The following FHDC1 variants were observed in gnomAD, a reference collection of about 807,000 sequenced individuals.
The protein encoded by FHDC1 is FH2 domain-containing protein 1.
In FHDC1, 25 loss-of-function variants were observed where a neutral mutation model predicts 52.6. That is an observed-to-expected ratio of 0.48 (90% confidence interval 0.35 to 0.66). The LOEUF is 0.66. FHDC1 is among the 30% of genes least tolerant of loss of function. FHDC1 has a pLI of 0.01. For missense variants in FHDC1, 1,459 were observed against 1,452.8 expected, an observed-to-expected ratio of 1.00 and a Z score of -0.07; for synonymous variants, 616 against 581.5, an observed-to-expected ratio of 1.06 and a Z score of -0.85.
the FHDC1 span, chr4:152,927,692 G>GAA: frequency 1.4e-5 from 21 of 1,554,368 alleles, no homozygotes; most frequent in Non-Finnish European, 1.9e-5. Flanking sequence ...AAGAGGCTTA[G>GAA]ATGAAGATGA....
chr4:152,966,956 C>T (rs1446185961), intron 9 of FHDC1, among the ~76,000 whole-genome samples: 1 of 151,972 alleles, frequency 6.6e-6, no homozygotes, highest in African/African-American at 2.4e-5. Context: ...CCTGTCTCTA[C>T]AAAAAATTTA....
chr4:152,914,064 A>G, the FHDC1 span, among the ~76,000 whole-genome samples: 1 of 152,234 alleles, frequency 6.6e-6, no homozygotes, highest in Non-Finnish European at 1.5e-5. Flanking sequence ...TACATTAGCT[A>G]AGACTATCCA....
At chr4:152,960,876 GT>G in intron 6 of FHDC1, 32 bp downstream of exon 6, 2 of 1,499,586 alleles carry the variant, frequency 1.3e-6, no homozygotes, top group Non-Finnish European at 1.8e-6. Context: ...CGCAGAATTT[GT>G]TTTTATTAAT....
intron 10 of FHDC1, among the ~76,000 whole-genome samples, chr4:152,969,362 T>C (rs1740565000): frequency 6.6e-6 from 1 of 152,212 alleles, no homozygotes; most frequent in African/African-American, 2.4e-5. Context: ...TGCTCTGTAT[T>C]TTCCTTCAAG....
chr4:152,958,836 A>G (rs1249655042), intron 4 of FHDC1, among the ~76,000 whole-genome samples: 2 of 152,244 alleles, frequency 1.3e-5, no homozygotes, highest in African/African-American at 4.8e-5. Flanking sequence ...AATAAGGCTA[A>G]AAATGGTCAA....
At chr4:152,974,266 G>C (rs1159029251) in intron 11 of FHDC1, among the ~76,000 whole-genome samples, 2 of 152,140 alleles carry the variant, frequency 1.3e-5, no homozygotes, top group Non-Finnish European at 2.9e-5. Flanking sequence ...GAAGTCCTCT[G>C]TGTCTTATAC....
chr4:152,975,543 G>A lies in FHDC1; in HGVS notation c.2252G>A (p.Ser751Asn), dbSNP rs768792794. 6.2e-7 allele frequency: 1 copy of A among 1,613,550 alleles called. No homozygotes were observed. The highest frequency in any genetic ancestry group is 1.3e-5 in the African/African-American group (1 of 74,944). ...DGKAAPDEPG[S>N]AALGSVGSSD... ...AAGGCTGCCCCCGATGAGCCTGGAAGTGCAGCTTTGGGATCTGTGGGTAGC... is the reference window on the plus strand; with the variant it reads ...AAGGCTGCCCCCGATGAGCCTGGAAATGCAGCTTTGGGATCTGTGGGTAGC... Residue 751 changes from serine to asparagine, a missense_variant, in exon 12 of 12, where the codon AGT (serine) becomes AAT (asparagine). Physicochemically the swap from Ser to Asn is conservative, Grantham distance 46. Coordinates refer to ENST00000511601, the MANE Select transcript of FHDC1 (RefSeq NM_001371116.1).
intron 10 of FHDC1, 54 bp downstream of exon 10, chr4:152,968,151 G>A (rs200954994): frequency 2.4e-5 from 32 of 1,344,440 alleles, no homozygotes; most frequent in East Asian, 1.2e-4. Flanking sequence ...GCAGCACCCC[G>A]GGGCTGGTTA....
Position 152,979,315 on chromosome 4 carries a change from G to T in FHDC1, c.*2592G>T, listed in dbSNP as rs570101610. 6 of 152,278 alleles carry T rather than the reference G, an allele frequency of 3.9e-5. No individual in the cohort carries two copies. The highest frequency in any genetic ancestry group is 3.3e-4 in the Admixed American group (5 of 15,276). The allele number at this position is 152,278 out of a possible 1,614,324, so 9.4% of individuals were successfully genotyped here. A position where few individuals can be genotyped will look rare whatever the true frequency, so the allele number is the denominator to read the frequency against. ...CAGCAAGGACCCATCTCTGCCCTGG[G>T]TCAGCTCCTCAGAACCAACCCCCAG... On this transcript the variant is annotated 3_prime_UTR_variant, in exon 12 of 12. Transcript: ENST00000511601.
chr4:152,936,664 A>G (rs1371501193), intron 1 of FHDC1, among the ~76,000 whole-genome samples: 1 of 152,230 alleles, frequency 6.6e-6, no homozygotes, highest in African/African-American at 2.4e-5. Context: ...CACGGAGAAC[A>G]GCGATCGGTC....
At chr4:152,967,080 A>G (rs1266440136) in intron 9 of FHDC1, among the ~76,000 whole-genome samples, 1 of 152,104 alleles carries the variant, frequency 6.6e-6, no homozygotes, top group Non-Finnish European at 1.5e-5. Flanking sequence ...TGATCTTGCC[A>G]CTGCTCTTCA....
intron 8 of FHDC1, 141 bp downstream of exon 8, chr4:152,963,271 G>A (rs1740340041): frequency 7.3e-6 from 5 of 686,684 alleles, no homozygotes; most frequent in Middle Eastern, 3.4e-4. Flanking sequence ...TTGTAGAAGC[G>A]CCATTAGCAG....
chr4:152,942,836 C>A (rs1194091111), intron 1 of FHDC1, 92 bp from the exon 2 acceptor site: 5 of 524,132 alleles, frequency 9.5e-6, no homozygotes, highest in Non-Finnish European at 1.7e-5. Context: ...ATATCCAACT[C>A]ATATGGGAGG....
At chr4:152,941,414 C>G (rs1478873195) in intron 1 of FHDC1, among the ~76,000 whole-genome samples, 1 of 152,194 alleles carries the variant, frequency 6.6e-6, no homozygotes, top group Non-Finnish European at 1.5e-5. Context: ...ATGATAACAG[C>G]TTGTTATTGT....
chr4:152,953,695 C>T, intron 3 of FHDC1, 135 bp downstream of exon 3: 1 of 740,382 alleles, frequency 1.4e-6, no homozygotes, highest in South Asian at 1.7e-5. Flanking sequence ...GATGAGCCTG[C>T]AAGTGACTGT....
chr4:152,955,607 C>G (rs1462070158), intron 4 of FHDC1, among the ~76,000 whole-genome samples: 1 of 152,188 alleles, frequency 6.6e-6, no homozygotes, highest in African/African-American at 2.4e-5. Context: ...GCCTCAGCTT[C>G]CCAAGTAGCT....
rs760164791 is a variant in FHDC1 at position 152,975,207 on chromosome 4, G to A, written c.1916G>A (p.Arg639His). ...NHASAFPRAR[R>H]QGVSVLRKRY... ...GCCTCTGCCTTCCCCAGAGCTCGGC[G>A]CCAGGGCGTCAGTGTCCTCCGAAAG... is the stretch of plus-strand genomic sequence containing the variant. The change falls in exon 12 of 12, where the codon CGC becomes CAC. Residue 639 changes from arginine (R) to histidine (H), a missense_variant. Arg to His is a conservative substitution (Grantham distance 29). Around this residue, in one of 3 missense-constraint regions of FHDC1, gnomAD observed 939 missense variants for 854.5 expected, o/e 1.10. Coordinates refer to ENST00000511601, the MANE Select transcript of FHDC1 (RefSeq NM_001371116.1). The A allele has an allele frequency of 1.1e-5, 18 of 1,613,124 alleles. No individual in the cohort carries two copies. The Middle Eastern group carries it at 8.2e-4, about 74-fold the overall frequency.
At chr4:152,937,528 G>C (rs970036511) in intron 1 of FHDC1, among the ~76,000 whole-genome samples, 10 of 151,954 alleles carry the variant, frequency 6.6e-5, no homozygotes. Flanking sequence ...GGGAATGGGC[G>C]AGCGGGTGCG....
Position 152,967,990 on chromosome 4 carries a change from G to A in FHDC1, c.1111G>A (p.Glu371Lys), listed in dbSNP as rs775155927. 1.2e-6 allele frequency: 2 copies of A among 1,612,952 alleles called. No homozygotes were observed. Among genetic ancestry groups the A allele is most frequent in the Non-Finnish European group, 1.7e-6 (2 of 1,179,524 alleles). ...CCTTTCTTCTTTTAGATTATCTCTG[G>A]AGAACACGGAGGCAGAACTGCACTT... is the stretch of plus-strand genomic sequence containing the variant. ...HVQKTARLSLENTEAELHLLF... is the reference protein window; with the variant it reads ...HVQKTARLSLKNTEAELHLLF... The change falls in exon 10 of 12, where the codon GAG becomes AAG. Residue 371 changes from glutamate to lysine, a missense_variant. Around this residue, in one of 3 missense-constraint regions of FHDC1, gnomAD observed 513 missense variants for 581.5 expected, o/e 0.88. Transcript: ENST00000511601.
Sources: allele counts gnomAD v4.1 joint callset (sites outside exome capture counted in the v4.1 genomes callset), GRCh38; gene constraint gnomAD v4.1.1; regional missense constraint gnomAD v4.1.1; transcripts MANE v1.5; gene names NCBI Gene and HGNC (gene_info 2026-07-23, HGNC 2026-07-21).